The following SORCS1 variants were observed in gnomAD, a reference collection of about 807,000 sequenced individuals.
The protein encoded by SORCS1 is sortilin related VPS10 domain containing receptor 1, also known as VPS10 domain-containing receptor SorCS1.
In SORCS1, 60 loss-of-function variants were observed where a neutral mutation model predicts 146.1. The observed-to-expected ratio is 0.41, with a 90% CI of 0.33 to 0.51. The LOEUF is 0.51. SORCS1 is among the 20% of genes least tolerant of loss of function. SORCS1 has a pLI of 0.21. For missense variants in SORCS1, 1,352 were observed against 1,487.6 expected, an observed-to-expected ratio of 0.91 and a Z score of 1.50; for synonymous variants, 637 against 584.0, an observed-to-expected ratio of 1.09 and a Z score of -1.31.
At chr10:107,179,320 G>A in the SORCS1 span, among the ~76,000 whole-genome samples, 1 of 152,148 alleles carries the variant, frequency 6.6e-6, no homozygotes, top group Non-Finnish European at 1.5e-5. Context: ...TGCTAGATAT[G>A]TTAATTAGCC....
intron 3 of SORCS1, among the ~76,000 whole-genome samples, chr10:106,809,967 T>C (rs1476096278): frequency 6.6e-6 from 1 of 152,204 alleles, no homozygotes; most frequent in East Asian, 1.9e-4. Flanking sequence ...ACGCCTGTAA[T>C]CCCAGCATTT....
chr10:106,929,299 T>C (rs966259191), intron 2 of SORCS1, among the ~76,000 whole-genome samples: 10 of 152,280 alleles, frequency 6.6e-5, no homozygotes, highest in Non-Finnish European at 1.2e-4. Context: ...CCACTATACA[T>C]TTTATGTGGG....
At chr10:106,884,512 T>G (rs72827217) in intron 2 of SORCS1, among the ~76,000 whole-genome samples, 5 of 152,310 alleles carry the variant, frequency 3.3e-5, no homozygotes, top group Non-Finnish European at 7.4e-5. Context: ...TGATCTACAT[T>G]TAAGAGAATT....
At chr10:106,826,825 C>A (rs1948327913) in intron 3 of SORCS1, among the ~76,000 whole-genome samples, 1 of 152,204 alleles carries the variant, frequency 6.6e-6, no homozygotes, top group South Asian at 2.1e-4. Context: ...AGGACCACCT[C>A]TGCTCTGAAG....
At chr10:106,651,517 A>G (rs1036102021) in intron 18 of SORCS1, among the ~76,000 whole-genome samples, 6 of 152,180 alleles carry the variant, frequency 3.9e-5, no homozygotes, top group Admixed American at 3.9e-4. Context: ...GTAAAAACTG[A>G]GGGTCCCTGG....
At chr10:107,141,504 T>C (rs1967840495) in intron 1 of SORCS1, among the ~76,000 whole-genome samples, 1 of 152,194 alleles carries the variant, frequency 6.6e-6, no homozygotes, top group African/African-American at 2.4e-5. Context: ...AGACTTGCTC[T>C]GGGGCAGTGC....
intron 2 of SORCS1, among the ~76,000 whole-genome samples, chr10:106,904,971 G>A (rs1214060235): frequency 6.6e-6 from 1 of 152,158 alleles, no homozygotes; most frequent in Non-Finnish European, 1.5e-5. Flanking sequence ...TAATGAAAAT[G>A]CAAATATTGC....
intron 2 of SORCS1, among the ~76,000 whole-genome samples, chr10:106,882,208 T>G (rs780527041): frequency 2.0e-5 from 3 of 152,150 alleles, no homozygotes; most frequent in African/African-American, 7.2e-5. Context: ...CTAGGCCATA[T>G]TGGACGAAGA....
intron 1 of SORCS1, among the ~76,000 whole-genome samples, chr10:106,983,677 T>C (rs989676773): frequency 6.6e-6 from 1 of 152,128 alleles, no homozygotes; most frequent in African/African-American, 2.4e-5. Context: ...TAGCCAGGAA[T>C]AGTAGCCAGG....
At chr10:107,035,950 A>G (rs948531435) in intron 1 of SORCS1, among the ~76,000 whole-genome samples, 7 of 149,212 alleles carry the variant, frequency 4.7e-5, no homozygotes, top group African/African-American at 1.7e-4. Flanking sequence ...TATAATATAT[A>G]TAGTTTGTAA....
chr10:107,164,234 G>T lies in SORCS1; in HGVS notation c.293C>A (p.Ser98Tyr). 1 of 1,607,686 alleles carries T rather than the reference G, an allele frequency of 6.2e-7. No individual in the cohort carries two copies. The change falls in exon 1 of 26, where the codon TCC (serine) becomes TAC (tyrosine). Residue 98 changes from serine to tyrosine, a missense_variant. Ser to Tyr is a moderately radical substitution (Grantham distance 144). This residue lies in a region of SORCS1 where 490 missense variants were observed against 489.1 expected (regional missense o/e 1.00). Transcript: ENST00000263054. This position sits in a 1 kb window ranked among gnomAD's most constrained non-coding sequence, Gnocchi z 6.8. The part of the protein sequence containing the change: ...SLERARGTGA[S>Y]MAVAARSGRR... ...GCCGGAGCGTGCAGCAACCGCCATG[G>T]ATGCCCCAGTGCCCCGAGCCCGCTC... is the stretch of plus-strand genomic sequence containing the variant.
chr10:106,677,238 T>C lies in SORCS1; in HGVS notation c.1832+75A>G, dbSNP rs562469434. ...TACTACAGAAACAGACACGGTTTGATAGCCTGACTCCTAGACTGATCTTAG... is the reference window on the plus strand; with the variant it reads ...TACTACAGAAACAGACACGGTTTGACAGCCTGACTCCTAGACTGATCTTAG... On this transcript the variant is annotated intron_variant, in intron 13 of 25. Transcript: ENST00000263054. 9.1e-4 allele frequency: 1,221 copies of C among 1,347,402 alleles called. 1 individual carries two copies. The highest frequency in any genetic ancestry group is 1.1e-3 in the Non-Finnish European group (1,075 of 942,904). The allele number at this position is 1,347,402 out of a possible 1,614,324, so 83.5% of individuals were successfully genotyped here.
rs147661505 is a variant in SORCS1 at position 106,975,352 on chromosome 10, C to T, written c.559-18772G>A. 5.2e-3 allele frequency among the ~76,000 whole-genome samples: 798 copies of T among 152,308 alleles called. 11 individuals carry two copies. Among genetic ancestry groups the T allele is most frequent in the African/African-American group, 0.018 (749 of 41,556 alleles). ...GCACTGAGAAATGTCATGAATCTGA[C>T]GCTTCTCATCACCTTAACCATATTT... On this transcript the variant is annotated intron_variant, in intron 1 of 25. Coordinates refer to ENST00000263054, the MANE Select transcript of SORCS1 (RefSeq NM_052918.5).
intron 1 of SORCS1, among the ~76,000 whole-genome samples, chr10:106,995,562 T>G (rs564371021): frequency 6.6e-6 from 1 of 152,160 alleles, no homozygotes; most frequent in Non-Finnish European, 1.5e-5. Flanking sequence ...CTGTGGAATT[T>G]TGCCTTCACT....
At position 107,164,138 on chromosome 10, in the gene SORCS1, C is replaced by T. The variant is rs763958270; in HGVS notation, c.389G>A (p.Gly130Glu). Residue 130 changes from glycine (G) to glutamate (E), a missense_variant, in exon 1 of 26, where the codon GGA becomes GAA. Around this residue, in one of 3 missense-constraint regions of SORCS1, gnomAD observed 490 missense variants for 489.1 expected, o/e 1.00. Transcript: ENST00000263054. The surrounding 1 kb of genome is among the most constrained non-coding windows in gnomAD (Gnocchi z 6.8). ...RGEGASRSPR[G>E]VLRDGGQQEP... ...CTGCTGCCCTCCATCTCTTAGCACT[C>T]CCCGGGGGCTCCGACTCGCGCCCTC... The T allele has an allele frequency of 5.0e-6, 8 of 1,613,402 alleles. No homozygotes were observed. In the South Asian group the frequency reaches 6.6e-5, roughly 13 times the overall value.
At chr10:106,924,313 T>C (rs1043116246) in intron 2 of SORCS1, among the ~76,000 whole-genome samples, 1 of 151,522 alleles carries the variant, frequency 6.6e-6, no homozygotes. Flanking sequence ...GAGAAATGCA[T>C]GATAATGATA....
intron 1 of SORCS1, among the ~76,000 whole-genome samples, chr10:107,147,144 T>G (rs947783737): frequency 4.6e-5 from 7 of 152,310 alleles, no homozygotes; most frequent in Non-Finnish European, 8.8e-5. Flanking sequence ...AAACGTAAGT[T>G]TAACCTACAA....
intron 16 of SORCS1, 107 bp downstream of exon 16, chr10:106,671,130 C>T: frequency 6.9e-7 from 1 of 1,453,892 alleles, no homozygotes. Flanking sequence ...ATGAAGCTGG[C>T]CACTTAGCCC....
rs564485297 is a variant in SORCS1 at position 106,783,375 on chromosome 10, G to A, written c.727-6683C>T. Among the ~76,000 whole-genome samples, 8 of 152,312 alleles carry A rather than the reference G, an allele frequency of 5.3e-5. No individual in the cohort carries two copies. In the South Asian group the frequency reaches 1.2e-3, roughly 24 times the overall value. ...TCTATGTCATGCCCTGCAGAGATTC[G>A]TGTGAAGATCAGATAAGATTATCTG... On this transcript the variant is annotated intron_variant, in intron 3 of 25. Transcript: ENST00000263054.
Sources: allele counts gnomAD v4.1 joint callset (sites outside exome capture counted in the v4.1 genomes callset), GRCh38; gene constraint gnomAD v4.1.1; regional missense constraint gnomAD v4.1.1; non-coding constraint Gnocchi (gnomAD v3.1); transcripts MANE v1.5; gene names NCBI Gene and HGNC (gene_info 2026-07-23, HGNC 2026-07-21).